THEM4: variants seen among roughly 807,000 people sequenced by gnomAD.
THEM4 encodes the protein thioesterase superfamily member 4, also known as acyl-coenzyme A thioesterase THEM4.
Under a neutral mutation model 25.0 loss-of-function variants are expected in THEM4, and 22 were observed. That is an observed-to-expected ratio of 0.88 (90% CI 0.63 to 1.26). The LOEUF (loss-of-function observed/expected upper bound fraction) is 1.26, where lower values mean the gene tolerates loss of function less well. Among genes scored for constraint, THEM4 ranks in the 50% most tolerant of loss-of-function variants. The pLI, the probability that THEM4 is intolerant of heterozygous loss-of-function variation, is 0.00. For synonymous variants in THEM4, 113 were observed against 105.6 expected (o/e 1.07, Z -0.43); for missense variants, 286 against 300.3 (o/e 0.95, Z 0.35).
chr1:151,892,256 C>A (rs913742393), intron 2 of THEM4, among the ~76,000 whole-genome samples: 4 of 151,960 alleles, frequency 2.6e-5, no homozygotes, highest in Admixed American at 6.5e-5. Flanking sequence ...ATTTAAGGAG[C>A]AAGTAGAAGG....
chr1:151,897,585 T>C (rs1035901224), intron 1 of THEM4, among the ~76,000 whole-genome samples: 2 of 152,162 alleles, frequency 1.3e-5, no homozygotes, highest in African/African-American at 4.8e-5. Context: ...ACGTGTTGGA[T>C]TGGGCAGAGT....
chr1:151,899,975 A>C (rs1215283755), intron 1 of THEM4, among the ~76,000 whole-genome samples: 1 of 152,228 alleles, frequency 6.6e-6, no homozygotes, highest in Admixed American at 6.5e-5. Context: ...AAACCCTACA[A>C]GCCAGAAGGG....
rs562997272 is a variant in THEM4, at chr1:151,871,003, T to G, written c.*3885A>C. Among the ~76,000 whole-genome samples the G allele has an allele frequency of 2.3e-3, 348 of 152,262 alleles. No homozygotes were observed. The highest frequency in any genetic ancestry group is 3.3e-3 in the Non-Finnish European group (223 of 68,016). ...CACTAACCAGCATCAATTCCTAATA[T>G]TCATTCAAAATGTTAGCACTTGGTA... On this transcript the variant is annotated 3_prime_UTR_variant, in exon 6 of 6. Transcript: ENST00000368814.
rs143088041 is a variant in THEM4 at position 151,884,022 on chromosome 1, C to T, written c.557+4251G>A. On this transcript the variant is annotated intron_variant, in intron 4 of 5. Coordinates refer to ENST00000368814, the MANE Select transcript of THEM4 (RefSeq NM_053055.5). Reference sequence around the variant, plus strand: ...CCCAGGAGGTAGAGGTTGCAGTGAGCTGAGATTGCGCCACTGCACTCCAGC... The same window carrying T: ...CCCAGGAGGTAGAGGTTGCAGTGAGTTGAGATTGCGCCACTGCACTCCAGC... Among the ~76,000 whole-genome samples the T allele has an allele frequency of 4.4e-3, 667 of 151,796 alleles. 11 individuals are homozygous for T. Among genetic ancestry groups the T allele is most frequent in the African/African-American group, 0.015 (629 of 41,408 alleles).
intron 1 of THEM4, among the ~76,000 whole-genome samples, chr1:151,902,911 C>T (rs1264477987): frequency 5.9e-5 from 9 of 151,868 alleles, no homozygotes; most frequent in Admixed American, 2.6e-4. Context: ...TTGCTTGAAC[C>T]AGGGAGGTGG....
intron 3 of THEM4, 111 bp from the exon 4 acceptor site, chr1:151,888,494 T>G: frequency 1.3e-6 from 1 of 745,918 alleles, no homozygotes; most frequent in Non-Finnish European, 2.2e-6. Context: ...TTATGAAAGG[T>G]CCACTTAGCC....
At chr1:151,885,923 T>C (rs1653957806) in intron 4 of THEM4, among the ~76,000 whole-genome samples, 1 of 152,254 alleles carries the variant, frequency 6.6e-6, no homozygotes, top group African/African-American at 2.4e-5. Flanking sequence ...TAATCCCAGG[T>C]TGTTACCTGT....
chr1:151,896,945 C>T (rs551984067), intron 1 of THEM4, among the ~76,000 whole-genome samples: 5 of 152,270 alleles, frequency 3.3e-5, no homozygotes, highest in African/African-American at 1.2e-4. Context: ...GAGTAGGGAG[C>T]TCAGGGGACA....
At chr1:151,905,996 CCT>C (rs1654452906) in intron 1 of THEM4, among the ~76,000 whole-genome samples, 1 of 152,264 alleles carries the variant, frequency 6.6e-6, no homozygotes, top group South Asian at 2.1e-4. Context: ...GCCCTCGCTC[CCT>C]CTCGGCGCCT....
At chr1:151,875,805 T>A (rs80186222) in intron 5 of THEM4, among the ~76,000 whole-genome samples, 3,764 of 152,252 alleles carry the variant, frequency 0.025, 51 homozygotes, top group African/African-American at 0.03. Flanking sequence ...AAGAATCTCA[T>A]ATATTGCTGG....
At chr1:151,880,546 C>T (rs1653790421) in intron 4 of THEM4, among the ~76,000 whole-genome samples, 1 of 151,946 alleles carries the variant, frequency 6.6e-6, no homozygotes, top group Non-Finnish European at 1.5e-5. Context: ...TCAACTTCTC[C>T]CTATGATTAT....
At chr1:151,880,665 T>C (rs946999104) in intron 4 of THEM4, among the ~76,000 whole-genome samples, 1 of 152,204 alleles carries the variant, frequency 6.6e-6, no homozygotes, top group Admixed American at 6.5e-5. Context: ...ATCCCCAATA[T>C]TACTTTTTTG....
In THEM4 at chr1:151,909,499, G is replaced by T; in HGVS notation, c.-41C>A. 1.5e-6 allele frequency: 2 copies of T among 1,330,118 alleles called. No homozygotes were observed. Among genetic ancestry groups the T allele is most frequent in the Non-Finnish European group, 1.9e-6 (2 of 1,040,376 alleles). 82.4% of individuals were successfully genotyped at this position (1,330,118 alleles called of 1,614,324 possible). A position where few individuals can be genotyped will look rare whatever the true frequency, so the allele number is the denominator to read the frequency against. On this transcript the variant is annotated 5_prime_UTR_variant, in exon 1 of 6. Coordinates refer to ENST00000368814, the MANE Select transcript of THEM4 (RefSeq NM_053055.5). ...GGCCGCGCTTGCTCTAGCCCTGGACGGCGCACTCTACCTCCGCCACAAGAG... is the reference window on the plus strand; with the variant it reads ...GGCCGCGCTTGCTCTAGCCCTGGACTGCGCACTCTACCTCCGCCACAAGAG...
At chr1:151,890,148 G>A (rs550265953) in intron 2 of THEM4, 12 of 449,876 alleles carry the variant, frequency 2.7e-5, no homozygotes, top group East Asian at 7.0e-5. Context: ...TCAGGGATCC[G>A]CCTGCCTTGG....
chr1:151,890,986 A>C (rs1395629977), intron 2 of THEM4: 1 of 152,210 alleles, frequency 6.6e-6, no homozygotes, highest in Non-Finnish European at 1.5e-5. Flanking sequence ...GCAAACCTTG[A>C]GCTTATTTCA....
intron 4 of THEM4, among the ~76,000 whole-genome samples, chr1:151,887,600 C>A (rs1198185950): frequency 2.6e-5 from 4 of 151,894 alleles, no homozygotes; most frequent in African/African-American, 9.7e-5. Context: ...TGCCTGTGGA[C>A]TGAAAAGACT....
At chr1:151,897,853 T>C (rs1387742145) in intron 1 of THEM4, among the ~76,000 whole-genome samples, 1 of 152,046 alleles carries the variant, frequency 6.6e-6, no homozygotes, top group East Asian at 1.9e-4. Context: ...GCAGGAGAAA[T>C]TTCTGACTTT....
intron 1 of THEM4, among the ~76,000 whole-genome samples, chr1:151,895,715 ATG>A (rs1050495904): frequency 6.7e-6 from 1 of 149,062 alleles, no homozygotes; most frequent in African/African-American, 2.5e-5. Flanking sequence ...TATAGTTTGG[ATG>A]TGTGTTCCCG....
At chr1:151,904,037 G>A (rs765873476) in intron 1 of THEM4, among the ~76,000 whole-genome samples, 6 of 152,190 alleles carry the variant, frequency 3.9e-5, no homozygotes, top group Non-Finnish European at 8.8e-5. Flanking sequence ...ATAGATACAG[G>A]CATAGAACGG....
Sources: allele counts gnomAD v4.1 joint callset (sites outside exome capture counted in the v4.1 genomes callset), GRCh38; gene constraint gnomAD v4.1.1; transcripts MANE v1.5; gene names NCBI Gene and HGNC (gene_info 2026-07-23, HGNC 2026-07-21).